RALYL: variants seen among roughly 807,000 people sequenced by gnomAD.
RALYL encodes RNA-binding Raly-like protein.
In RALYL, 29 loss-of-function variants were observed where a neutral mutation model predicts 35.1. The ratio of observed to expected loss-of-function variants is 0.83; its 90% CI spans 0.61 to 1.13. RALYL has a LOEUF of 1.13. RALYL is among the 50% of genes most tolerant of loss of function. RALYL has a pLI of 0.00. For synonymous variants in RALYL, 120 were observed against 127.6 expected (o/e 0.94, Z 0.40); for missense variants, 359 against 360.4 (o/e 1.00, Z 0.03).
rs2055516574 is a variant in RALYL at position 84,492,955 on chromosome 8, AGG to A, written c.-23-36343_-23-36342del. The stretch of plus-strand genomic sequence containing the variant: ...TCTGGGATACATGTGCAGAATGTGC[AGG>A]TTTGTTACATACGTATACGTGTACC... On this transcript the variant is annotated intron_variant, in intron 1 of 8. Coordinates refer to ENST00000521268, the MANE Select transcript of RALYL (RefSeq NM_173848.7). 1.4e-4 allele frequency among the ~76,000 whole-genome samples: 21 copies of A among 152,162 alleles called. 2 individuals carry two copies. In the South Asian group the frequency reaches 4.1e-3, roughly 30 times the overall value.
chr8:84,244,413 T>G (rs1366933607), intron 1 of RALYL, among the ~76,000 whole-genome samples: 1 of 152,216 alleles, frequency 6.6e-6, no homozygotes, highest in Non-Finnish European at 1.5e-5. Context: ...TTTCCCTTTT[T>G]ACATTTATCT....
intron 1 of RALYL, among the ~76,000 whole-genome samples, chr8:84,387,646 C>G (rs905890155): frequency 2.0e-5 from 3 of 151,678 alleles, no homozygotes; most frequent in African/African-American, 4.8e-5. Context: ...GAGAACCACT[C>G]TCTCCCCTAC....
chr8:84,559,064 G>C (rs1441785015), intron 2 of RALYL, among the ~76,000 whole-genome samples: 2 of 151,766 alleles, frequency 1.3e-5, no homozygotes, highest in South Asian at 4.2e-4. Flanking sequence ...ACCCAAAATA[G>C]CACTTTCTGT....
chr8:84,405,417 G>T (rs2043369415), intron 1 of RALYL, among the ~76,000 whole-genome samples: 1 of 152,104 alleles, frequency 6.6e-6, no homozygotes, highest in Non-Finnish European at 1.5e-5. Context: ...AATGAATCCA[G>T]GAGGTGTTTT....
chr8:84,500,039 G>A (rs932955947), intron 1 of RALYL, among the ~76,000 whole-genome samples: 11 of 152,068 alleles, frequency 7.2e-5, no homozygotes, highest in Admixed American at 6.6e-4. Flanking sequence ...TTATAAGCAT[G>A]AGCCACTGTG....
At chr8:84,403,967 T>A (rs2043198611) in intron 1 of RALYL, among the ~76,000 whole-genome samples, 1 of 152,140 alleles carries the variant, frequency 6.6e-6, no homozygotes. Context: ...CACTCATTAT[T>A]TGGCTCTCTG....
chr8:84,544,897 T>C (rs1465348952), intron 2 of RALYL, among the ~76,000 whole-genome samples: 3 of 152,092 alleles, frequency 2.0e-5, no homozygotes, highest in African/African-American at 2.4e-5. Context: ...GTATCTCATA[T>C]AGTTTTAATT....
intron 2 of RALYL, among the ~76,000 whole-genome samples, chr8:84,730,569 C>T (rs1845967436): frequency 6.6e-6 from 1 of 151,996 alleles, no homozygotes; most frequent in Admixed American, 6.6e-5. Flanking sequence ...AAAGGGTATT[C>T]AATTAGGAAA....
chr8:84,604,159 TTTAGA>T (rs1363310599), intron 2 of RALYL, among the ~76,000 whole-genome samples: 1 of 152,146 alleles, frequency 6.6e-6, no homozygotes. Context: ...ACAGCACAGC[TTTAGA>T]TTAATCTATT....
intron 3 of RALYL, among the ~76,000 whole-genome samples, chr8:84,788,282 C>A (rs987732125): frequency 6.6e-6 from 1 of 152,112 alleles, no homozygotes; most frequent in Non-Finnish European, 1.5e-5. Flanking sequence ...ATGTCTACAA[C>A]CATATGATCT....
At chr8:84,194,656 T>C (rs1338009207) in intron 1 of RALYL, among the ~76,000 whole-genome samples, 3 of 152,168 alleles carry the variant, frequency 2.0e-5, no homozygotes, top group Non-Finnish European at 4.4e-5. Context: ...ATAGCAGGTA[T>C]ATAGCTATAT....
chr8:84,272,334 T>C (rs1278599868), intron 1 of RALYL, among the ~76,000 whole-genome samples: 1 of 152,098 alleles, frequency 6.6e-6, no homozygotes, highest in Non-Finnish European at 1.5e-5. Flanking sequence ...CCTCAGGTGA[T>C]CCACCCACCT....
At chr8:84,641,136 AC>A (rs1219088059) in intron 2 of RALYL, among the ~76,000 whole-genome samples, 1 of 151,018 alleles carries the variant, frequency 6.6e-6, no homozygotes, top group Non-Finnish European at 1.5e-5. Flanking sequence ...TTTCTTTATA[AC>A]CTTTTTATTT....
At chr8:84,518,007 G>T (rs752110461) in intron 1 of RALYL, among the ~76,000 whole-genome samples, 2 of 152,050 alleles carry the variant, frequency 1.3e-5, no homozygotes, top group Admixed American at 6.6e-5. Flanking sequence ...TAACTCTAAT[G>T]GTTAAACATT....
At chr8:84,470,430 G>A (rs1400871776) in intron 1 of RALYL, among the ~76,000 whole-genome samples, 8 of 151,054 alleles carry the variant, frequency 5.3e-5, no homozygotes, top group African/African-American at 1.9e-4. Context: ...TTCTTGAAAA[G>A]TGTGGATTGA....
intron 1 of RALYL, among the ~76,000 whole-genome samples, chr8:84,381,784 T>C (rs1858046425): frequency 1.3e-5 from 2 of 151,850 alleles, no homozygotes; most frequent in Non-Finnish European, 2.9e-5. Flanking sequence ...GCCTGTTTAC[T>C]TCTTGATAGT....
intron 2 of RALYL, among the ~76,000 whole-genome samples, chr8:84,719,483 G>C (rs1843504874): frequency 6.6e-6 from 1 of 152,056 alleles, no homozygotes; most frequent in East Asian, 1.9e-4. Flanking sequence ...TTGATGAGAA[G>C]TATGAAAAGG....
chr8:84,676,168 G>C (rs1834150598), intron 2 of RALYL, among the ~76,000 whole-genome samples: 1 of 152,142 alleles, frequency 6.6e-6, no homozygotes, highest in African/African-American at 2.4e-5. Flanking sequence ...TTACATGAAA[G>C]AATATTTTCT....
At chr8:84,183,175 C>T, upstream of RALYL, 1 of 156,690 alleles carries the variant, frequency 6.4e-6, no homozygotes, top group Non-Finnish European at 1.4e-5. Context: ...TCGGGCCCAA[C>T]CCCGCTCGGC....
Sources: gnomAD v4.1 joint callset for allele counts (sites outside exome capture counted in the v4.1 genomes callset) on GRCh38, gnomAD v4.1.1 for gene constraint, MANE v1.5 for transcripts, NCBI Gene and HGNC (gene_info 2026-07-23, HGNC 2026-07-21) for gene names.